ASH1L: variants seen among roughly 807,000 people sequenced by gnomAD.
ASH1L encodes the protein histone-lysine N-methyltransferase ASH1L.
Under a neutral mutation model 269.0 loss-of-function variants are expected in ASH1L, and 23 were observed. That is an observed-to-expected ratio of 0.09 (90% CI 0.06 to 0.12). ASH1L has a LOEUF of 0.12. ASH1L is among the 10% of genes least tolerant of loss of function. The pLI is 1.00. For missense variants in ASH1L, 2,912 were observed against 3,567.8 expected (o/e 0.82, Z 4.68); for synonymous variants, 1,187 against 1,253.5 (o/e 0.95, Z 1.12).
intron 1 of ASH1L, among the ~76,000 whole-genome samples, chr1:155,533,279 TC>T (rs1012328115): frequency 6.6e-6 from 1 of 152,080 alleles, no homozygotes; most frequent in African/African-American, 2.4e-5. Flanking sequence ...ATATATTATC[TC>T]ATTTAAGGCT....
intron 4 of ASH1L, among the ~76,000 whole-genome samples, chr1:155,448,173 TC>T (rs983285140): frequency 6.6e-6 from 1 of 152,230 alleles, no homozygotes; most frequent in African/African-American, 2.4e-5. Flanking sequence ...TGGATTTGTT[TC>T]TGGGTTCTCT....
chr1:155,388,991 G>T (rs756259928), intron 7 of ASH1L, among the ~76,000 whole-genome samples: 3 of 151,432 alleles, frequency 2.0e-5, no homozygotes, highest in Non-Finnish European at 4.4e-5. Context: ...TTACAGGCAT[G>T]AGCCACCATG....
At chr1:155,459,963 C>G in intron 3 of ASH1L, 65 bp from the exon 4 acceptor site, 2 of 1,288,028 alleles carry the variant, frequency 1.6e-6, no homozygotes, top group Non-Finnish European at 2.1e-6. Flanking sequence ...GTGAAACCAT[C>G]TTTTGTTAGA....
intron 1 of ASH1L, among the ~76,000 whole-genome samples, chr1:155,553,969 G>A (rs776668568): frequency 5.3e-5 from 8 of 150,394 alleles, no homozygotes; most frequent in Non-Finnish European, 1.2e-4. Context: ...GCTAATTTTT[G>A]TATTTTTAGT....
intron 1 of ASH1L, among the ~76,000 whole-genome samples, chr1:155,522,415 G>A (rs186277990): frequency 2.0e-5 from 3 of 152,226 alleles, no homozygotes; most frequent in African/African-American, 7.2e-5. Flanking sequence ...AGTGAGAAGG[G>A]CAAACATTAA....
At chr1:155,374,433 G>A (rs554527593) in intron 10 of ASH1L, among the ~76,000 whole-genome samples, 4 of 152,238 alleles carry the variant, frequency 2.6e-5, no homozygotes, top group South Asian at 2.1e-4. Flanking sequence ...ATACCACCAC[G>A]ATTCTAAAGG....
At chr1:155,514,165 G>A (rs1184692270) in intron 2 of ASH1L, among the ~76,000 whole-genome samples, 1 of 152,188 alleles carries the variant, frequency 6.6e-6, no homozygotes, top group South Asian at 2.1e-4. Flanking sequence ...AGAGTTAATA[G>A]AGTGTCAGCT....
chr1:155,407,118 G>C (rs1033825435), intron 6 of ASH1L, among the ~76,000 whole-genome samples: 1 of 152,164 alleles, frequency 6.6e-6, no homozygotes, highest in East Asian at 1.9e-4. Flanking sequence ...AGCTACTCGG[G>C]AGGTTCGGGC....
chr1:155,344,045 G>T, intron 22 of ASH1L, 138 bp downstream of exon 22: 1 of 725,872 alleles, frequency 1.4e-6, no homozygotes, highest in Non-Finnish European at 2.3e-6. Flanking sequence ...GTAAGCACAA[G>T]GACTACAGAT....
chr1:155,483,713 TA>T (rs761226095), intron 2 of ASH1L, among the ~76,000 whole-genome samples: 2,123 of 133,998 alleles, frequency 0.016, 45 homozygotes, highest in African/African-American at 0.051. Context: ...TATTTTAATA[TA>T]AAAAAAAAAA....
chr1:155,354,625 A>C lies in ASH1L; in HGVS notation c.7061T>G (p.Phe2354Cys), dbSNP rs748105933. 27 of 1,606,706 alleles carry C rather than the reference A, an allele frequency of 1.7e-5. No individual in the cohort carries two copies. Among genetic ancestry groups the C allele is most frequent in the Non-Finnish European group, 2.3e-5 (27 of 1,178,318 alleles). ...CAAGAATACATGATGCTTTAACACA[A>C]AGTTCCTGCAAGGAAGGAAAAAAAA... is the stretch of plus-strand genomic sequence containing the variant. The part of the protein sequence containing the change: ...MKPMSNRERN[F>C]VLKHHVFLVR... The change falls in exon 16 of 28, where the codon TTT becomes TGT. Residue 2354 changes from phenylalanine (F) to cysteine (C), a missense_variant. Transcript: ENST00000392403.
At chr1:155,514,913 C>A (rs1668396929) in intron 2 of ASH1L, among the ~76,000 whole-genome samples, 1 of 152,054 alleles carries the variant, frequency 6.6e-6, no homozygotes. Flanking sequence ...GGAAAAATTT[C>A]TCAGACTGTG....
chr1:155,518,800 G>C (rs1263664650), intron 2 of ASH1L, among the ~76,000 whole-genome samples: 1 of 145,730 alleles, frequency 6.9e-6, no homozygotes, highest in Non-Finnish European at 1.5e-5. Flanking sequence ...AGGTAGAGGG[G>C]AGACGGGGAG....
intron 6 of ASH1L, among the ~76,000 whole-genome samples, chr1:155,411,592 T>TATATATATATATATA (rs1558075739): frequency 2.5e-5 from 1 of 39,622 alleles, no homozygotes; most frequent in Non-Finnish European, 7.2e-5. Context: ...AATAAATATA[T>TATATATATATATATA]ATATATATAT....
At chr1:155,450,789 T>C (rs1403786172) in intron 4 of ASH1L, among the ~76,000 whole-genome samples, 1 of 152,178 alleles carries the variant, frequency 6.6e-6, no homozygotes, top group Non-Finnish European at 1.5e-5. Context: ...CCAAGGTTGG[T>C]AGCAACCCAA....
intron 1 of ASH1L, among the ~76,000 whole-genome samples, chr1:155,527,772 C>T (rs1669368499): frequency 1.3e-5 from 2 of 152,004 alleles, no homozygotes; most frequent in East Asian, 3.8e-4. Flanking sequence ...TCTTCAAGTC[C>T]TGGCCTCAAG....
rs766527611 is a variant in ASH1L at position 155,433,948 on chromosome 1, A to T, written c.5828+4379T>A. 3 of 1,580,948 alleles carry T rather than the reference A, an allele frequency of 1.9e-6. No homozygotes were observed. The South Asian group carries it at 3.5e-5, about 18-fold the overall frequency. On this transcript the variant is annotated intron_variant, in intron 5 of 27. Coordinates refer to ENST00000392403, the MANE Select transcript of ASH1L (RefSeq NM_018489.3). Reference sequence around the variant, plus strand: ...TGTTCCTGCAGTGCCCGAAACCCACACTGCAGCAGATCAGCCACATCGCCC... The same window carrying T: ...TGTTCCTGCAGTGCCCGAAACCCACTCTGCAGCAGATCAGCCACATCGCCC...
Position 155,370,997 on chromosome 1 carries a change from GAAT to G in ASH1L, c.6333-17_6333-15del. On this transcript the variant is annotated splice_polypyrimidine_tract_variant and intron_variant, in intron 10 of 27. Transcript: ENST00000392403. ...GCAAAGATCATTCTAGAAAAAAAAG[GAAT>G]AACTGTACATCAACTTACATGATAC... The G allele has an allele frequency of 6.2e-7, 1 of 1,613,370 alleles. No homozygotes were observed. The highest frequency in any genetic ancestry group is 1.3e-5 in the African/African-American group (1 of 74,986).
At chr1:155,495,205 AGAT>A (rs2148776425) in intron 2 of ASH1L, among the ~76,000 whole-genome samples, 1 of 152,330 alleles carries the variant, frequency 6.6e-6, no homozygotes, top group South Asian at 2.1e-4. Flanking sequence ...GGTGACAGCT[AGAT>A]GATGAAGTAG....
Sources: allele counts gnomAD v4.1 joint callset (sites outside exome capture counted in the v4.1 genomes callset), GRCh38; gene constraint gnomAD v4.1.1; transcripts MANE v1.5; gene names NCBI Gene and HGNC (gene_info 2026-07-23, HGNC 2026-07-21).